The following LRCH3 variants were observed in gnomAD, a reference collection of about 807,000 sequenced individuals.
LRCH3 encodes the protein leucine rich repeats and calponin homology domain containing 3.
A neutral mutation model predicts 104.5 loss-of-function variants in LRCH3; 68 were observed. The observed-to-expected ratio is 0.65, with a 90% CI of 0.54 to 0.80. LRCH3 has a LOEUF of 0.80. Among genes scored for constraint, LRCH3 ranks in the 30% least tolerant of loss-of-function variants. The pLI, the probability that LRCH3 is intolerant of heterozygous loss-of-function variation, is 0.00. For missense variants in LRCH3, 951 were observed against 953.9 expected, an observed-to-expected ratio of 1.00 and a Z score of 0.04; for synonymous variants, 344 against 361.3, an observed-to-expected ratio of 0.95 and a Z score of 0.54.
At position 197,791,449 on chromosome 3, in the gene LRCH3, G is replaced by A; in HGVS notation, c.171G>A (p.Ala57=). ...TCGATCGAGCCCTGGAGGAGGCGGC[G>A]GTCACTGGGGTGCTGAGCCTGAGCG... ...RSLDRALEEA[A]VTGVLSLSGR... is the part of the protein sequence containing the mutation. The change falls in exon 1 of 21, where the codon GCG becomes GCA. Residue 57 remains alanine (A), a synonymous_variant. Coordinates refer to ENST00000425562, the MANE Select transcript of LRCH3 (RefSeq NM_001365715.1). 1 of 1,598,212 alleles carries A rather than the reference G, an allele frequency of 6.3e-7. No individual in the cohort carries two copies. Among genetic ancestry groups the A allele is most frequent in the Non-Finnish European group, 8.5e-7 (1 of 1,173,686 alleles).
rs1733253022 is a variant in LRCH3, at chr3:197,812,504, G to GTTTTTGTTTTTT, written c.263-2399_263-2398insGTTTTTTTTTTT. Among the ~76,000 whole-genome samples the GTTTTTGTTTTTT allele has an allele frequency of 1.4e-4, 7 of 48,956 alleles. 2 individuals are homozygous for GTTTTTGTTTTTT. The highest frequency in any genetic ancestry group is 7.0e-4 in the East Asian group (1 of 1,434). 32.1% of individuals were successfully genotyped at this position (48,956 alleles called of 152,430 possible). On this transcript the variant is annotated intron_variant, in intron 1 of 20. Coordinates refer to ENST00000425562, the MANE Select transcript of LRCH3 (RefSeq NM_001365715.1). ...ATATCTGTTCAAGTCTCTGCTTTCAGTTTTTTTTTTTTTTTTTTTTTTTTT... is the reference window on the plus strand; with the variant it reads ...ATATCTGTTCAAGTCTCTGCTTTCAGTTTTTGTTTTTTTTTTTTTTTTTTTTTTTTTTTTTTT...
rs1036522735 is a variant in LRCH3, at chr3:197,854,648, C to T, written c.1644+203C>T. 6.6e-6 allele frequency among the ~76,000 whole-genome samples: 1 copy of T among 152,098 alleles called. No individual in the cohort carries two copies. Among genetic ancestry groups the T allele is most frequent in the Non-Finnish European group, 1.5e-5 (1 of 68,018 alleles). On this transcript the variant is annotated intron_variant, in intron 14 of 20. Coordinates refer to ENST00000425562, the MANE Select transcript of LRCH3 (RefSeq NM_001365715.1). The surrounding 1 kb of genome is among the most constrained non-coding windows in gnomAD (Gnocchi z 4.5). ...CAGCTCATATCTTTGTCAGTGCCAC[C>T]GAAAGGAAAACATTTGCCTTGAGAA...
intron 19 of LRCH3, 114 bp from the exon 20 acceptor site, chr3:197,875,584 G>T: frequency 1.4e-6 from 1 of 698,172 alleles, no homozygotes; most frequent in Non-Finnish European, 2.4e-6. Context: ...AGCCTGGGAG[G>T]TCAATGATAC....
chr3:197,828,835 G>C (rs1735561456), intron 5 of LRCH3, among the ~76,000 whole-genome samples: 1 of 150,652 alleles, frequency 6.6e-6, no homozygotes, highest in Non-Finnish European at 1.5e-5. Context: ...AGCCTCCCGA[G>C]TAGCTGGGAT....
At chr3:197,868,830 G>A (rs1368823862) in intron 17 of LRCH3, among the ~76,000 whole-genome samples, 1 of 152,222 alleles carries the variant, frequency 6.6e-6, no homozygotes, top group Non-Finnish European at 1.5e-5. Context: ...TTTTGAGCAC[G>A]TTGGGTACTT....
Position 197,832,244 on chromosome 3 carries a change from TA to T in LRCH3, c.1032del (p.Glu345AsnfsTer18). 2 of 1,613,806 alleles carry T rather than the reference TA, an allele frequency of 1.2e-6. No individual in the cohort carries two copies. The highest frequency in any genetic ancestry group is 1.7e-6 in the Non-Finnish European group (2 of 1,179,746). On this transcript the variant is annotated frameshift_variant, in exon 8 of 21. Coordinates refer to ENST00000425562, the MANE Select transcript of LRCH3 (RefSeq NM_001365715.1). LOFTEE classifies it high-confidence loss of function. ...TGCCTCTTCGAGTAGCAGAGATTAC[TA>T]AAGAACAAAGACTACGAAGAGAAAG... ...DLPLRVAEIT[K>X]EQRLRRESQY...
At chr3:197,794,617 T>C (rs1454569620) in intron 1 of LRCH3, among the ~76,000 whole-genome samples, 1 of 152,240 alleles carries the variant, frequency 6.6e-6, no homozygotes, top group East Asian at 1.9e-4. Context: ...ATTCGTATCC[T>C]AGGGAACAGC....
intron 1 of LRCH3, among the ~76,000 whole-genome samples, chr3:197,801,104 A>AAAAG (rs60914773): frequency 0.039 from 5,712 of 147,694 alleles, 253 homozygotes; most frequent in African/African-American, 0.098. Context: ...CAAAAAAAAA[A>AAAAG]ACAAGAAAAT....
At chr3:197,805,277 T>C (rs1177012559) in intron 1 of LRCH3, among the ~76,000 whole-genome samples, 2 of 152,204 alleles carry the variant, frequency 1.3e-5, no homozygotes, top group African/African-American at 2.4e-5. Flanking sequence ...TGTTGGACTA[T>C]CCTTGATAAC....
chr3:197,835,972 G>T (rs1396610529), intron 9 of LRCH3, 150 bp downstream of exon 9: 4 of 848,636 alleles, frequency 4.7e-6, no homozygotes, highest in Admixed American at 3.0e-5. Context: ...GAGTTTTTCA[G>T]ATTTATTCAG....
intron 1 of LRCH3, among the ~76,000 whole-genome samples, chr3:197,798,042 A>G (rs1329015102): frequency 1.3e-5 from 2 of 152,078 alleles, no homozygotes; most frequent in Non-Finnish European, 2.9e-5. Flanking sequence ...CGAGTGGATC[A>G]CTTGAGCCCA....
At chr3:197,801,104 A>AAAAAAAAG (rs60914773) in intron 1 of LRCH3, among the ~76,000 whole-genome samples, 2 of 147,754 alleles carry the variant, frequency 1.4e-5, no homozygotes, top group Non-Finnish European at 1.5e-5. Flanking sequence ...CAAAAAAAAA[A>AAAAAAAAG]ACAAGAAAAT....
intron 20 of LRCH3, chr3:197,882,287 G>C: frequency 1.0e-6 from 1 of 985,308 alleles, no homozygotes; most frequent in Non-Finnish European, 1.2e-6. Context: ...CAAAACACTG[G>C]GCAGGTTCAT....
At chr3:197,807,209 T>C (rs965812701) in intron 1 of LRCH3, among the ~76,000 whole-genome samples, 1 of 151,150 alleles carries the variant, frequency 6.6e-6, no homozygotes, top group Non-Finnish European at 1.5e-5. Context: ...GTAAATAACA[T>C]AGAGTTGCAT....
At chr3:197,880,660 G>A (rs763338937) in intron 20 of LRCH3, 73 of 1,536,596 alleles carry the variant, frequency 4.8e-5, no homozygotes, top group Non-Finnish European at 5.3e-5. Flanking sequence ...GCATTTTACT[G>A]TACTGTGATG....
chr3:197,797,962 A>C (rs927482292), intron 1 of LRCH3, among the ~76,000 whole-genome samples: 21 of 151,696 alleles, frequency 1.4e-4, no homozygotes, highest in African/African-American at 4.8e-4. Context: ...ACAAATGAGA[A>C]GCAATCTGAA....
At chr3:197,805,018 C>G (rs1732314560) in intron 1 of LRCH3, among the ~76,000 whole-genome samples, 1 of 152,066 alleles carries the variant, frequency 6.6e-6, no homozygotes, top group African/African-American at 2.4e-5. Flanking sequence ...CCTCAGCCTC[C>G]TGAGTAGCTG....
At chr3:197,869,563 C>T (rs1425629943) in intron 17 of LRCH3, among the ~76,000 whole-genome samples, 2 of 145,300 alleles carry the variant, frequency 1.4e-5, no homozygotes, top group African/African-American at 5.4e-5. Context: ...TGCACTGTAC[C>T]TGCAGGAGGT....
rs566676527 is a variant in LRCH3, at chr3:197,865,411, G to C, written c.1717-12G>C. ...GAATAACAATTATTGATATATGTCT[G>C]TTTCTCCACAGAGTGATGACAGACC... On this transcript the variant is annotated splice_polypyrimidine_tract_variant and intron_variant, in intron 15 of 20. Transcript: ENST00000425562. The C allele has an allele frequency of 6.5e-7, 1 of 1,540,678 alleles. No homozygotes were observed. Among genetic ancestry groups the C allele is most frequent in the East Asian group, 2.4e-5 (1 of 42,516 alleles).
Sources: gnomAD v4.1 joint callset for allele counts (sites outside exome capture counted in the v4.1 genomes callset) on GRCh38, gnomAD v4.1.1 for gene constraint, Gnocchi (gnomAD v3.1) non-coding constraint, MANE v1.5 for transcripts, NCBI Gene and HGNC (gene_info 2026-07-23, HGNC 2026-07-21) for gene names.